SARNP: variants seen among roughly 807,000 people sequenced by gnomAD.
SARNP encodes SAP domain-containing ribonucleoprotein.
In SARNP, 5 loss-of-function variants were observed where a neutral mutation model predicts 38.1. The ratio of observed to expected loss-of-function variants is 0.13; its 90% confidence interval spans 0.07 to 0.28. The LOEUF (loss-of-function observed/expected upper bound fraction) is 0.28. Among genes scored for constraint, SARNP ranks in the 10% least tolerant of loss-of-function variants. The pLI is 1.00. For synonymous variants in SARNP, 84 were observed against 80.6 expected (o/e 1.04, Z -0.23); for missense variants, 180 against 243.9 (o/e 0.74, Z 1.75).
intron 9 of SARNP, among the ~76,000 whole-genome samples, chr12:55,766,622 G>A (rs1342125990): frequency 1.5e-5 from 2 of 131,784 alleles, no homozygotes; most frequent in African/African-American, 2.9e-5. Context: ...TTGGCGGGGG[G>A]GGGGGGGGGG....
intron 1 of SARNP, among the ~76,000 whole-genome samples, chr12:55,814,235 C>G (rs945750208): frequency 1.3e-5 from 2 of 152,186 alleles, no homozygotes; most frequent in Non-Finnish European, 2.9e-5. Flanking sequence ...AGAATACAAG[C>G]TGATCACATC....
intron 9 of SARNP, among the ~76,000 whole-genome samples, chr12:55,784,148 G>C (rs1358425718): frequency 6.6e-6 from 1 of 152,132 alleles, no homozygotes; most frequent in Non-Finnish European, 1.5e-5. Context: ...GGATAGAGAA[G>C]AGGCTACACT....
intron 1 of SARNP, among the ~76,000 whole-genome samples, chr12:55,806,094 G>A (rs1880132156): frequency 6.6e-6 from 1 of 150,946 alleles, no homozygotes; most frequent in East Asian, 1.9e-4. Context: ...AAAAATGACT[G>A]CAGAGTGACT....
At chr12:55,775,483 C>T (rs1455057239) in intron 9 of SARNP, among the ~76,000 whole-genome samples, 3 of 4,090 alleles carry the variant, frequency 7.3e-4, no homozygotes, top group Admixed American at 4.8e-3. Flanking sequence ...ATTGTTTGAA[C>T]CCAGGAGGCA....
downstream of SARNP, chr12:55,757,090 G>A (rs932320417): frequency 6.5e-6 from 1 of 153,226 alleles, no homozygotes; most frequent in Non-Finnish European, 1.5e-5. Context: ...AAAAATGCTT[G>A]TGAGTATGAC....
At chr12:55,768,053 T>A (rs1173132353) in intron 9 of SARNP, among the ~76,000 whole-genome samples, 2 of 152,084 alleles carry the variant, frequency 1.3e-5, no homozygotes. Context: ...GGAAGAACAG[T>A]TACTGGACAA....
intron 1 of SARNP, among the ~76,000 whole-genome samples, chr12:55,814,854 G>A (rs942159822): frequency 6.6e-6 from 1 of 150,500 alleles, no homozygotes; most frequent in Non-Finnish European, 1.5e-5. Flanking sequence ...GGGCGACAGA[G>A]CGAGACTCCA....
intron 9 of SARNP, among the ~76,000 whole-genome samples, chr12:55,785,217 A>G (rs891077762): frequency 5.3e-5 from 8 of 152,222 alleles, no homozygotes; most frequent in African/African-American, 1.7e-4. Context: ...ATACGTATTG[A>G]CAATCAATGT....
chr12:55,816,552 C>G (rs1207024924), intron 1 of SARNP, among the ~76,000 whole-genome samples: 1 of 152,078 alleles, frequency 6.6e-6, no homozygotes, highest in Non-Finnish European at 1.5e-5. Context: ...AAAGAAGGGT[C>G]CTCTCCCTAC....
chr12:55,796,889 A>G (rs1345328865), intron 4 of SARNP, among the ~76,000 whole-genome samples: 1 of 152,218 alleles, frequency 6.6e-6, no homozygotes, highest in Admixed American at 6.5e-5. Context: ...TAAAAATGCC[A>G]AAGAAGGTAG....
chr12:55,799,393 G>A (rs1338077491), intron 4 of SARNP, among the ~76,000 whole-genome samples: 1 of 152,090 alleles, frequency 6.6e-6, no homozygotes, highest in Non-Finnish European at 1.5e-5. Flanking sequence ...GATCACCCTT[G>A]TGGAACAGTT....
intron 1 of SARNP, among the ~76,000 whole-genome samples, chr12:55,814,050 TTGA>T (rs1880410762): frequency 1.3e-5 from 2 of 152,194 alleles, no homozygotes; most frequent in African/African-American, 2.4e-5. Context: ...GTGTTGGCAA[TTGA>T]TGAAGCATTC....
chr12:55,755,598 G>A (rs1878481767), downstream of SARNP: 1 of 152,172 alleles, frequency 6.6e-6, no homozygotes, highest in South Asian at 2.1e-4. Context: ...CTCAATGTCT[G>A]TTCCATCTCC....
Position 55,806,077 on chromosome 12 carries a change from T to A in SARNP, c.37-2349A>T, listed in dbSNP as rs538399445. On this transcript the variant is annotated intron_variant, in intron 1 of 10. Transcript: ENST00000336133. ...TTATTTTTAAGGCTTTTGCCAGTTT[T>A]AAAAAAAAAAATGACTGCAGAGTGA... 3.6e-4 allele frequency among the ~76,000 whole-genome samples: 53 copies of A among 147,120 alleles called. No homozygotes were observed. The East Asian group carries it at 6.1e-3, about 17-fold the overall frequency.
At chr12:55,812,705 T>C (rs1293278078) in intron 1 of SARNP, among the ~76,000 whole-genome samples, 1 of 152,250 alleles carries the variant, frequency 6.6e-6, no homozygotes, top group Non-Finnish European at 1.5e-5. Flanking sequence ...ATTTTTCCCA[T>C]ATCTAACTGA....
At chr12:55,765,280 C>T (rs1878794980) in intron 9 of SARNP, among the ~76,000 whole-genome samples, 1 of 152,204 alleles carries the variant, frequency 6.6e-6, no homozygotes, top group Non-Finnish European at 1.5e-5. Context: ...AGTTTTGCTT[C>T]TCCTGGTTCT....
chr12:55,794,713 A>T, intron 6 of SARNP, 94 bp downstream of exon 6: 1 of 775,638 alleles, frequency 1.3e-6, no homozygotes, highest in Non-Finnish European at 2.2e-6. Context: ...CCTCTATTCT[A>T]CTTAAAATCA....
intron 9 of SARNP, among the ~76,000 whole-genome samples, chr12:55,777,714 T>C (rs1200403300): frequency 6.6e-6 from 1 of 152,152 alleles, no homozygotes. Context: ...ATGTCTAACG[T>C]CTCTTGTCCA....
At chr12:55,813,607 C>G (rs1880397885) in intron 1 of SARNP, among the ~76,000 whole-genome samples, 1 of 136,940 alleles carries the variant, frequency 7.3e-6, no homozygotes, top group Non-Finnish European at 1.5e-5. Flanking sequence ...TGCAATGGTG[C>G]CATATCGGCT....
Sources: gnomAD v4.1 joint callset for allele counts (sites outside exome capture counted in the v4.1 genomes callset) on GRCh38, gnomAD v4.1.1 for gene constraint, MANE v1.5 for transcripts, NCBI Gene and HGNC (gene_info 2026-07-23, HGNC 2026-07-21) for gene names.